Variants in FAT3 observed in about 807,000 individuals in gnomAD.
FAT3 encodes the protein protocadherin Fat 3.
In FAT3, 95 loss-of-function variants were observed where a neutral mutation model predicts 310.2. The ratio of observed to expected loss-of-function variants is 0.31; its 90% CI spans 0.26 to 0.36. The LOEUF is 0.36. FAT3 is among the 10% of genes least tolerant of loss of function. The pLI, the probability that FAT3 is intolerant of heterozygous loss-of-function variation, is 1.00. For missense variants in FAT3, 5,408 were observed against 5,715.6 expected, an observed-to-expected ratio of 0.95 and a Z score of 1.74; for synonymous variants, 2,314 against 2,192.9, an observed-to-expected ratio of 1.06 and a Z score of -1.54.
At chr11:92,836,287 C>G (rs1379090192) in intron 15 of FAT3, among the ~76,000 whole-genome samples, 1 of 152,160 alleles carries the variant, frequency 6.6e-6, no homozygotes, top group African/African-American at 2.4e-5. Flanking sequence ...TCTAACCATA[C>G]TGTCTCAAAC....
At chr11:92,840,435 C>T (rs568696383) in intron 17 of FAT3, 127 bp from the exon 18 acceptor site, 1 of 834,964 alleles carries the variant, frequency 1.2e-6, no homozygotes, top group Non-Finnish European at 1.8e-6. Context: ...TGCTGAAAGC[C>T]CTGTTTTCTA....
rs1018366246 is a variant in FAT3 at position 92,762,885 on chromosome 11, C to T, written c.3984+715C>T. 4.6e-5 allele frequency among the ~76,000 whole-genome samples: 7 copies of T among 152,040 alleles called. No homozygotes were observed. In the East Asian group the frequency reaches 5.8e-4, roughly 13 times the overall value. On this transcript the variant is annotated intron_variant, in intron 5 of 27. Transcript: ENST00000525166. ...ATGGTCCAGGGTCCCAACAAAGTCACGGTGGTTCATGCCTGTAATCCCAGC... is the reference window on the plus strand; with the variant it reads ...ATGGTCCAGGGTCCCAACAAAGTCATGGTGGTTCATGCCTGTAATCCCAGC...
At chr11:92,383,918 C>T (rs1276817184) in intron 2 of FAT3, among the ~76,000 whole-genome samples, 1 of 152,050 alleles carries the variant, frequency 6.6e-6, no homozygotes, top group Non-Finnish European at 1.5e-5. Flanking sequence ...GTGTGATATT[C>T]CTTTTCCTGC....
chr11:92,529,548 T>G (rs947768467), intron 3 of FAT3, among the ~76,000 whole-genome samples: 2 of 152,202 alleles, frequency 1.3e-5, no homozygotes, highest in South Asian at 2.1e-4. Context: ...GTTTTGTTTT[T>G]TTTGTTTGTT....
chr11:92,546,513 C>T (rs1260108661), intron 3 of FAT3, among the ~76,000 whole-genome samples: 1 of 152,038 alleles, frequency 6.6e-6, no homozygotes, highest in Non-Finnish European at 1.5e-5. Flanking sequence ...GAGGTTGAGG[C>T]CATAATTAAT....
chr11:92,854,848 C>A (rs767763968), intron 19 of FAT3, among the ~76,000 whole-genome samples: 1 of 152,152 alleles, frequency 6.6e-6, no homozygotes, highest in African/African-American at 2.4e-5. Context: ...ATAGCTGTAT[C>A]TCAGAAACAC....
At chr11:92,486,629 T>C (rs1419675501) in intron 2 of FAT3, among the ~76,000 whole-genome samples, 1 of 152,156 alleles carries the variant, frequency 6.6e-6, no homozygotes, top group East Asian at 1.9e-4. Flanking sequence ...TCTCCAGAAT[T>C]AGTTACTGCA....
chr11:92,539,484 T>G (rs614438), intron 3 of FAT3, among the ~76,000 whole-genome samples: 59,405 of 151,976 alleles, frequency 0.39, 12,284 homozygotes, highest in Middle Eastern at 0.53. Context: ...TTTTGTGCTT[T>G]CATCCAACTC....
chr11:92,866,785 C>T lies in FAT3; in HGVS notation c.11703C>T (p.Gly3901=), dbSNP rs1949257741. 1 of 1,613,764 alleles carries T rather than the reference C, an allele frequency of 6.2e-7. No individual in the cohort carries two copies. The highest frequency in any genetic ancestry group is 1.1e-5 in the South Asian group (1 of 91,060). Residue 3901 remains glycine, a synonymous_variant, in exon 22 of 28, where the codon GGC becomes GGT. Transcript: ENST00000525166. ...GGTTCCAGCTGGACTGCGGCAGCGG[C>T]CCTGGAATCTTGGGCATCTCGGGCC... ...KLWFQLDCGS[G]PGILGISGRA...
rs148142263 is a variant in FAT3 at position 92,810,189 on chromosome 11, A to G, written c.9481+113A>G. On this transcript the variant is annotated intron_variant, in intron 13 of 27. Transcript: ENST00000525166. Reference sequence around the variant, plus strand: ...TCAACCCCCTTGGTTCTTTACCACGAGAACATGTACATTAAACCCCATTTC... The same window carrying G: ...TCAACCCCCTTGGTTCTTTACCACGGGAACATGTACATTAAACCCCATTTC... 1.1e-3 allele frequency: 1,040 copies of G among 911,634 alleles called. 7 individuals are homozygous for G. The highest frequency in any genetic ancestry group is 1.9e-3 in the South Asian group (113 of 59,030). The allele number at this position is 911,634 out of a possible 1,614,324, so 56.5% of individuals were successfully genotyped here.
intron 1 of FAT3, among the ~76,000 whole-genome samples, chr11:92,324,212 C>T (rs1041107392): frequency 6.6e-6 from 1 of 152,208 alleles, no homozygotes; most frequent in East Asian, 1.9e-4. Context: ...CAAAGTAGCA[C>T]TTATAATTTC....
chr11:92,684,595 A>C lies in FAT3; in HGVS notation c.3608-12789A>C, dbSNP rs540622114. 4.6e-5 allele frequency among the ~76,000 whole-genome samples: 7 copies of C among 152,298 alleles called. No individual in the cohort carries two copies. In the South Asian group the frequency reaches 6.2e-4, roughly 14 times the overall value. On this transcript the variant is annotated intron_variant, in intron 3 of 27. Coordinates refer to ENST00000525166, the MANE Select transcript of FAT3 (RefSeq NM_001367949.2). ...TACAGTATACCAGTTCAGGGCACAA[A>C]TTTAGGAGTCGAACAGATCTAGCTA... is the stretch of plus-strand genomic sequence containing the variant.
At chr11:92,233,432 G>A (rs573635858) in intron 1 of FAT3, among the ~76,000 whole-genome samples, 62 of 152,286 alleles carry the variant, frequency 4.1e-4, no homozygotes, top group African/African-American at 1.4e-3. Context: ...CTTCAGGCCC[G>A]TGTCATTGTT....
chr11:92,719,630 A>G (rs935461566), intron 4 of FAT3, among the ~76,000 whole-genome samples: 1 of 152,006 alleles, frequency 6.6e-6, no homozygotes, highest in Non-Finnish European at 1.5e-5. Context: ...ATACATGTTC[A>G]GTACAGATGT....
intron 7 of FAT3, among the ~76,000 whole-genome samples, chr11:92,774,424 T>C (rs1399827372): frequency 6.6e-6 from 1 of 152,248 alleles, no homozygotes; most frequent in East Asian, 1.9e-4. Flanking sequence ...GTTTCTTTCC[T>C]GATCATCTAC....
chr11:92,641,089 G>A (rs141056496), intron 3 of FAT3, among the ~76,000 whole-genome samples: 1,648 of 152,110 alleles, frequency 0.011, 30 homozygotes, highest in African/African-American at 0.037. Context: ...CCAGCTACTC[G>A]GGAGGCTGAG....
At chr11:92,418,417 A>ACGC (rs1404664762) in intron 2 of FAT3, among the ~76,000 whole-genome samples, 1 of 48,386 alleles carries the variant, frequency 2.1e-5, no homozygotes, top group Non-Finnish European at 5.6e-5. Flanking sequence ...CAAAAGTTAA[A>ACGC]CACCCCCCCC....
At chr11:92,442,406 C>A (rs905907764) in intron 2 of FAT3, among the ~76,000 whole-genome samples, 11 of 150,748 alleles carry the variant, frequency 7.3e-5, no homozygotes, top group African/African-American at 2.2e-4. Context: ...AGCCACCGCG[C>A]CTGGCCAGGA....
intron 1 of FAT3, among the ~76,000 whole-genome samples, chr11:92,289,543 A>ATG (rs1565203982): frequency 5.3e-5 from 8 of 151,292 alleles, no homozygotes; most frequent in African/African-American, 9.7e-5. Flanking sequence ...ACACATATAT[A>ATG]TGTGCACATT....
Sources: allele counts gnomAD v4.1 joint callset (sites outside exome capture counted in the v4.1 genomes callset), GRCh38; gene constraint gnomAD v4.1.1; transcripts MANE v1.5; gene names NCBI Gene and HGNC (gene_info 2026-07-23, HGNC 2026-07-21).